LPP: variants seen among roughly 807,000 people sequenced by gnomAD.
The protein encoded by LPP is lipoma-preferred partner.
Under a neutral mutation model 60.4 loss-of-function variants are expected in LPP, and 38 were observed. The observed-to-expected ratio is 0.63, with a 90% confidence interval of 0.49 to 0.83. LPP has a LOEUF of 0.83. Ranked by LOEUF, LPP falls within the 40% of genes least tolerant of loss-of-function variation. The probability of loss-of-function intolerance (pLI) is 0.00; values close to 1 mark genes in which losing one functional copy is unlikely to be tolerated. For synonymous variants in LPP, 328 were observed against 290.8 expected (o/e 1.13, Z -1.30); for missense variants, 902 against 783.6 (o/e 1.15, Z -1.80).
intron 4 of LPP, among the ~76,000 whole-genome samples, chr3:188,479,806 T>C (rs1310880731): frequency 6.6e-6 from 1 of 152,232 alleles, no homozygotes; most frequent in Non-Finnish European, 1.5e-5. Context: ...AGCATGATGC[T>C]TTCTTTGTTT....
At chr3:188,204,255 C>T (rs9854681) in intron 1 of LPP, among the ~76,000 whole-genome samples, 9,494 of 152,140 alleles carry the variant, frequency 0.062, 346 homozygotes, top group South Asian at 0.13. Flanking sequence ...TAAAGGGAGA[C>T]GTGGCTAAAA....
rs969974638 is a variant in LPP at position 188,182,771 on chromosome 3, G to A, written c.-190+28519G>A. Among the ~76,000 whole-genome samples the A allele has an allele frequency of 2.7e-5, 4 of 148,788 alleles. No individual in the cohort carries two copies. The highest frequency in any genetic ancestry group is 9.9e-5 in the African/African-American group (4 of 40,338). ...ACATATATGTACATATATTATATAT[G>A]TGCATATATAATATATGTACATATA... On this transcript the variant is annotated intron_variant, in intron 1 of 11. Coordinates refer to ENST00000617246, the MANE Select transcript of LPP (RefSeq NM_001375462.1). The surrounding 1 kb of genome is among the most constrained non-coding windows in gnomAD (Gnocchi z 4.4).
intron 7 of LPP, among the ~76,000 whole-genome samples, chr3:188,691,690 A>C (rs1051322033): frequency 6.6e-6 from 1 of 152,204 alleles, no homozygotes; most frequent in Non-Finnish European, 1.5e-5. Context: ...AGCACCCAGA[A>C]AGTTTATGAT....
chr3:188,306,597 A>G (rs1250032279), intron 2 of LPP, among the ~76,000 whole-genome samples: 1 of 151,992 alleles, frequency 6.6e-6, no homozygotes, highest in Non-Finnish European at 1.5e-5. Context: ...TTTCCTCTTT[A>G]CCGTAAGGAA....
chr3:188,395,096 T>TATC (rs1218314463), intron 3 of LPP, among the ~76,000 whole-genome samples: 6 of 152,350 alleles, frequency 3.9e-5, no homozygotes, highest in Non-Finnish European at 7.3e-5. Context: ...TCTAAAACTG[T>TATC]ATCTCATGGT....
chr3:188,759,859 C>G (rs1158648382), intron 8 of LPP, among the ~76,000 whole-genome samples: 2 of 152,132 alleles, frequency 1.3e-5, no homozygotes, highest in Non-Finnish European at 2.9e-5. Context: ...TTCCTTTCTG[C>G]AAGAACTTAG....
At chr3:188,462,614 GTGTGTGTGTGTGTGTGTGTGTTAC>G (rs1439653819) in intron 4 of LPP, among the ~76,000 whole-genome samples, 2 of 128,916 alleles carry the variant, frequency 1.6e-5, no homozygotes, top group Non-Finnish European at 3.5e-5. Flanking sequence ...GTGTGTGTGT[GTGTGTGTGTGTGTGTGTGTGTTAC>G]TTTTTTGGGT....
chr3:188,318,628 A>C (rs925979034), intron 2 of LPP, among the ~76,000 whole-genome samples: 12 of 151,978 alleles, frequency 7.9e-5, no homozygotes, highest in African/African-American at 2.7e-4. Context: ...CTACTTATAT[A>C]TGGAGAACAC....
intron 6 of LPP, among the ~76,000 whole-genome samples, chr3:188,569,582 C>T (rs1302250022): frequency 6.6e-6 from 1 of 151,944 alleles, no homozygotes; most frequent in Non-Finnish European, 1.5e-5. Context: ...TGTATCACTT[C>T]CACAAATCAA....
intron 1 of LPP, among the ~76,000 whole-genome samples, chr3:188,197,106 A>G (rs1055347660): frequency 6.6e-6 from 1 of 152,232 alleles, no homozygotes; most frequent in Non-Finnish European, 1.5e-5. Flanking sequence ...AATAAATTGT[A>G]TAGATAAGAC....
At chr3:188,564,591 C>A (rs1248796366) in intron 6 of LPP, among the ~76,000 whole-genome samples, 34 of 151,774 alleles carry the variant, frequency 2.2e-4, no homozygotes, top group Admixed American at 2.0e-3. Flanking sequence ...TTAGTTAGGT[C>A]CTTTCAGGTT....
chr3:188,524,683 A>G lies in LPP; in HGVS notation c.325A>G (p.Thr109Ala), dbSNP rs144081893. 5 of 1,613,532 alleles carry G rather than the reference A, an allele frequency of 3.1e-6. No homozygotes were observed. Among genetic ancestry groups the G allele is most frequent in the African/African-American group, 1.3e-5 (1 of 74,888 alleles). ...CCAACAGGGGAATCCCGGAGGCAAG[A>G]CACTTGAGGAGAGGCGCTCCAGCCT... ...FKVQGNPGGK[T>A]LEERRSSLDA... The change falls in exon 6 of 12, where the codon ACA becomes GCA. Residue 109 changes from threonine to alanine, a missense_variant. Transcript: ENST00000617246.
In LPP at chr3:188,178,078, C is replaced by T. The variant is rs80290039; in HGVS notation, c.-190+23826C>T. ...GTTTACAGGTGTGAGAAGAGTGAGG[C>T]TCCCACAGTCTCACTTGGACAGGTA... On this transcript the variant is annotated intron_variant, in intron 1 of 11. Coordinates refer to ENST00000617246, the MANE Select transcript of LPP (RefSeq NM_001375462.1). Among the ~76,000 whole-genome samples, 102 of 152,328 alleles carry T rather than the reference C, an allele frequency of 6.7e-4. No homozygotes were observed. The East Asian group carries it at 0.015, about 23-fold the overall frequency.
intron 8 of LPP, among the ~76,000 whole-genome samples, chr3:188,745,508 G>T (rs543098510): frequency 1.3e-5 from 2 of 152,214 alleles, no homozygotes; most frequent in African/African-American, 2.4e-5. Flanking sequence ...CTGTCTTACT[G>T]CTCTGTCTGC....
chr3:188,792,373 G>T (rs1441234726), intron 9 of LPP, among the ~76,000 whole-genome samples: 1 of 152,132 alleles, frequency 6.6e-6, no homozygotes, highest in African/African-American at 2.4e-5. Context: ...CCTGCTTACC[G>T]CAAGCTCACT....
chr3:188,585,031 T>G (rs1837127779), intron 6 of LPP, among the ~76,000 whole-genome samples: 1 of 152,208 alleles, frequency 6.6e-6, no homozygotes, highest in Non-Finnish European at 1.5e-5. Context: ...ACTCTAGGAT[T>G]TCCACTGAGG....
intron 3 of LPP, among the ~76,000 whole-genome samples, chr3:188,370,963 T>C (rs1772877695): frequency 6.6e-6 from 1 of 152,192 alleles, no homozygotes; most frequent in Non-Finnish European, 1.5e-5. Flanking sequence ...TCTGCTTATA[T>C]ACAACACAAA....
At chr3:188,448,887 A>AC (rs2149330847) in intron 4 of LPP, among the ~76,000 whole-genome samples, 1 of 152,342 alleles carries the variant, frequency 6.6e-6, no homozygotes, top group African/African-American at 2.4e-5. Context: ...TAGAATCAGA[A>AC]ATGTGTCTTT....
intron 7 of LPP, among the ~76,000 whole-genome samples, chr3:188,672,542 G>A (rs1321931170): frequency 6.6e-6 from 1 of 152,176 alleles, no homozygotes; most frequent in Non-Finnish European, 1.5e-5. Context: ...GTACGTTGAT[G>A]GAGGGGGTGG....
Sources: allele counts gnomAD v4.1 joint callset (sites outside exome capture counted in the v4.1 genomes callset), GRCh38; gene constraint gnomAD v4.1.1; non-coding constraint Gnocchi (gnomAD v3.1); transcripts MANE v1.5; gene names NCBI Gene and HGNC (gene_info 2026-07-23, HGNC 2026-07-21).